CRK: variants seen among roughly 807,000 people sequenced by gnomAD.
CRK encodes adapter molecule crk.
In CRK, 4 loss-of-function variants were observed where a neutral mutation model predicts 29.8. That is an observed-to-expected ratio of 0.13 (90% CI 0.07 to 0.31). The LOEUF is 0.31. Among genes scored for constraint, CRK ranks in the 10% least tolerant of loss-of-function variants. CRK has a pLI of 1.00. For missense variants in CRK, 274 were observed against 396.5 expected (o/e 0.69, Z 2.62); for synonymous variants, 153 against 164.9 (o/e 0.93, Z 0.55).
chr17:1,422,783 T>G lies in CRK; in HGVS notation c.*730A>C, dbSNP rs2073740220. 6 of 396,926 alleles carry G rather than the reference T, an allele frequency of 1.5e-5. No homozygotes were observed. In the Admixed American group the frequency reaches 2.6e-4, roughly 18 times the overall value. 24.6% of individuals were successfully genotyped at this position (396,926 alleles called of 1,614,324 possible). A position where few individuals can be genotyped will look rare whatever the true frequency, so the allele number is the denominator to read the frequency against. On this transcript the variant is annotated 3_prime_UTR_variant, in exon 3 of 3. Coordinates refer to ENST00000300574, the MANE Select transcript of CRK (RefSeq NM_016823.4). ...GGAGACTGGCTGTCCACTTAGTGAA[T>G]CCAACACTGGCTTAAAGCTATGCAC...
At position 1,444,462 on chromosome 17, in the gene CRK, C is replaced by A. The variant is rs563463672; in HGVS notation, c.242-7307G>T. On this transcript the variant is annotated intron_variant, in intron 1 of 2. Transcript: ENST00000300574. ...ATTGCTTGAACCTGGGAGGCGGAGC[C>A]TGCAGTGAGTCAAGACTGCGCCACT... is the stretch of plus-strand genomic sequence containing the variant. 2.6e-5 allele frequency among the ~76,000 whole-genome samples: 4 copies of A among 151,962 alleles called. No homozygotes were observed. The South Asian group carries it at 8.3e-4, about 32-fold the overall frequency.
chr17:1,451,404 T>C lies in CRK; in HGVS notation c.241+4473A>G, dbSNP rs1031817215. On this transcript the variant is annotated intron_variant, in intron 1 of 2. Coordinates refer to ENST00000300574, the MANE Select transcript of CRK (RefSeq NM_016823.4). ...CGCCACCACGCCCAGCTAATTTTTG[T>C]ATTTTTTAGTAGAAACAAGGTTTCA... 2.0e-5 allele frequency among the ~76,000 whole-genome samples: 3 copies of C among 151,780 alleles called. No homozygotes were observed. In the East Asian group the frequency reaches 6.1e-4, roughly 31 times the overall value.
chr17:1,442,816 T>A (rs11658155), intron 1 of CRK, among the ~76,000 whole-genome samples: 84,374 of 151,208 alleles, frequency 0.56, 24,003 homozygotes, highest in South Asian at 0.65. Context: ...CATGTTGGCC[T>A]GGCTGGTCTC....
rs146555797 is a variant in CRK at position 1,423,517 on chromosome 17, C to T, written c.911G>A (p.Ser304Asn). The T allele has an allele frequency of 2.3e-4, 375 of 1,613,798 alleles. No individual in the cohort carries two copies. Among genetic ancestry groups the T allele is most frequent in the Non-Finnish European group, 2.4e-4 (285 of 1,179,880 alleles). The part of the protein sequence containing the change: ...LDQQNPDEDF[S>N] The stretch of plus-strand genomic sequence containing the variant: ...AGCAAAACTGTTGAACTATACTCAG[C>T]TGAAGTCCTCATCGGGATTCTGTTG... The change falls in exon 3 of 3, where the codon AGC becomes AAC. Residue 304 changes from serine (S) to asparagine (N), a missense_variant. Physicochemically the swap from Ser to Asn is conservative, Grantham distance 46 (BLOSUM62 1). Around this residue, in one of 3 missense-constraint regions of CRK, gnomAD observed 121 missense variants for 154.3 expected, o/e 0.78. Transcript: ENST00000300574.
intron 1 of CRK, among the ~76,000 whole-genome samples, chr17:1,450,316 G>C (rs1019371290): frequency 6.6e-6 from 1 of 152,010 alleles, no homozygotes; most frequent in Non-Finnish European, 1.5e-5. Context: ...AGACCATCCT[G>C]GCTAACACGG....
intron 1 of CRK, among the ~76,000 whole-genome samples, chr17:1,442,237 C>T (rs9914204): frequency 0.021 from 3,152 of 151,736 alleles, 99 homozygotes; most frequent in African/African-American, 0.073. Context: ...TCACTGCAGC[C>T]TCCACTTCCT....
intron 2 of CRK, among the ~76,000 whole-genome samples, chr17:1,427,072 A>G (rs6502680): frequency 0.7 from 64,351 of 91,922 alleles, 23,791 homozygotes; most frequent in African/African-American, 0.82. Context: ...AAAAAAAAAA[A>G]GATTCTGACA....
intron 2 of CRK, among the ~76,000 whole-genome samples, chr17:1,425,590 T>C (rs1698295631): frequency 1.3e-5 from 2 of 152,224 alleles, no homozygotes; most frequent in African/African-American, 4.8e-5. Flanking sequence ...ACACCATTTA[T>C]GCATTTCATA....
chr17:1,435,034 G>T (rs541799005), intron 2 of CRK, among the ~76,000 whole-genome samples: 1 of 152,012 alleles, frequency 6.6e-6, no homozygotes, highest in African/African-American at 2.4e-5. Context: ...GTTTCTCCTG[G>T]GTCAGCTGGC....
chr17:1,454,448 G>A lies in CRK; in HGVS notation c.241+1429C>T, dbSNP rs528542291. ...CCAGCTACTTGGGAGACTGAGACAG[G>A]AGAATCGCCGTGAGCCGAGATTGCG... is the stretch of plus-strand genomic sequence containing the variant. On this transcript the variant is annotated intron_variant, in intron 1 of 2. Transcript: ENST00000300574. 1.1e-3 allele frequency among the ~76,000 whole-genome samples: 170 copies of A among 152,224 alleles called. 1 individual carries two copies. The highest frequency in any genetic ancestry group is 3.9e-3 in the African/African-American group (164 of 41,538).
intron 1 of CRK, among the ~76,000 whole-genome samples, chr17:1,454,241 A>T (rs185399083): frequency 3.5e-3 from 529 of 151,858 alleles, no homozygotes; most frequent in Non-Finnish European, 5.6e-3. Context: ...AAAAATTTTA[A>T]AAAAATTAGT....
intron 1 of CRK, among the ~76,000 whole-genome samples, chr17:1,450,026 C>CCCA (rs1568022248): frequency 6.6e-6 from 1 of 151,904 alleles, no homozygotes; most frequent in African/African-American, 2.4e-5. Context: ...TGGTGAAACC[C>CCCA]CCATCTCTAC....
chr17:1,455,509 GGCGCCGCT>G (rs2074049239), intron 1 of CRK, among the ~76,000 whole-genome samples: 1 of 152,156 alleles, frequency 6.6e-6, no homozygotes, highest in South Asian at 2.1e-4. Context: ...ATTCATTCTG[GGCGCCGCT>G]GCCAAGTGAT....
chr17:1,435,600 C>T (rs2150905286), intron 2 of CRK, among the ~76,000 whole-genome samples: 1 of 152,148 alleles, frequency 6.6e-6, no homozygotes, highest in Non-Finnish European at 1.5e-5. Flanking sequence ...GGAATGGGAA[C>T]AAGAGGCAGT....
At chr17:1,440,834 G>A (rs1246714234) in intron 1 of CRK, among the ~76,000 whole-genome samples, 1 of 152,212 alleles carries the variant, frequency 6.6e-6, no homozygotes, top group African/African-American at 2.4e-5. Context: ...AGCCCAGGGA[G>A]TCAAGGCTAC....
chr17:1,455,424 G>A (rs1462778355), intron 1 of CRK, among the ~76,000 whole-genome samples: 1 of 152,176 alleles, frequency 6.6e-6, no homozygotes, highest in African/African-American at 2.4e-5. Context: ...GGCCACCAGG[G>A]GAGCACGGCC....
rs562515421 is a variant in CRK at position 1,427,030 on chromosome 17, CAAAAAAAAAAAAAAAAAAAAAAAAA to C, written c.778-3405_778-3381del. The stretch of plus-strand genomic sequence containing the variant: ...CTGGGCGACAGAGCAAAACTGTCTC[CAAAAAAAAAAAAAAAAAAAAAAAAA>C]AAAAAAAAAAAAAAAAAGATTCTGA... On this transcript the variant is annotated intron_variant, in intron 2 of 2. Transcript: ENST00000300574. 2.5e-3 allele frequency among the ~76,000 whole-genome samples: 89 copies of C among 35,302 alleles called. 9 individuals are homozygous for C. The South Asian group carries it at 0.14, about 54-fold the overall frequency. The allele number at this position is 35,302 out of a possible 152,430, so 23.2% of individuals were successfully genotyped here.
chr17:1,429,020 G>A (rs185091481), intron 2 of CRK, among the ~76,000 whole-genome samples: 5 of 150,746 alleles, frequency 3.3e-5, no homozygotes, highest in Admixed American at 1.3e-4. Context: ...TAATTTTTTC[G>A]CATTTTTAGT....
rs1233188933 is a variant in CRK, at chr17:1,421,052, G to T, written c.*2461C>A. 2.6e-5 allele frequency: 4 copies of T among 152,152 alleles called. No homozygotes were observed. Among genetic ancestry groups the T allele is most frequent in the African/African-American group, 9.7e-5 (4 of 41,430 alleles). The allele number at this position is 152,152 out of a possible 1,614,324, so 9.4% of individuals were successfully genotyped here. A position where few individuals can be genotyped will look rare whatever the true frequency, so the allele number is the denominator to read the frequency against. On this transcript the variant is annotated 3_prime_UTR_variant, in exon 3 of 3. Transcript: ENST00000300574. The stretch of plus-strand genomic sequence containing the variant: ...ATATAAAATATAGCAGCCAATTTCA[G>T]TTTACTTTGCCAATAGGATTTCAGC...
Sources: gnomAD v4.1 joint callset for allele counts (sites outside exome capture counted in the v4.1 genomes callset) on GRCh38, gnomAD v4.1.1 for gene constraint, gnomAD v4.1.1 regional missense constraint, MANE v1.5 for transcripts, NCBI Gene and HGNC (gene_info 2026-07-23, HGNC 2026-07-21) for gene names.